Variants in WASF2 observed in about 807,000 individuals in gnomAD.
The protein encoded by WASF2 is WASP family member 2.
A neutral mutation model predicts 45.0 loss-of-function variants in WASF2; 14 were observed. That is an observed-to-expected ratio of 0.31 (90% CI 0.21 to 0.49). WASF2 has a LOEUF of 0.49. WASF2 is among the 20% of genes least tolerant of loss of function. WASF2 has a pLI of 0.99. For synonymous variants in WASF2, 200 were observed against 236.3 expected (o/e 0.85, Z 1.41); for missense variants, 439 against 636.1 (o/e 0.69, Z 3.33).
chr1:27,425,838 CAA>C (rs57916899), intron 2 of WASF2, among the ~76,000 whole-genome samples: 2 of 50,604 alleles, frequency 4.0e-5, no homozygotes. Context: ...GACTCCGTCT[CAA>C]AAAAAAAAAA....
At chr1:27,443,069 T>G (rs1388000151) in intron 1 of WASF2, among the ~76,000 whole-genome samples, 1 of 144,004 alleles carries the variant, frequency 6.9e-6, no homozygotes, top group Non-Finnish European at 1.5e-5. Context: ...GAGGCCGAGA[T>G]GGGGGGATTG....
Position 27,477,327 on chromosome 1 carries a change from G to T in WASF2, c.-44+12659C>A, listed in dbSNP as rs560172951. Among the ~76,000 whole-genome samples the T allele has an allele frequency of 2.9e-4, 44 of 150,396 alleles. No homozygotes were observed. In the South Asian group the frequency reaches 8.9e-3, roughly 30 times the overall value. ...GGCTGATGCTGGCAGATCACGTGAG[G>T]CCAGGAGTCCAACACCAGCCTGGCC... On this transcript the variant is annotated intron_variant, in intron 1 of 8. Coordinates refer to ENST00000618852, the MANE Select transcript of WASF2 (RefSeq NM_006990.5).
At position 27,410,786 on chromosome 1, in the gene WASF2, T is replaced by C. The variant is rs2016751422; in HGVS notation, c.825-580A>G. 6.6e-6 allele frequency among the ~76,000 whole-genome samples: 1 copy of C among 152,168 alleles called. No individual in the cohort carries two copies. Among genetic ancestry groups the C allele is most frequent in the Non-Finnish European group, 1.5e-5 (1 of 68,022 alleles). On this transcript the variant is annotated intron_variant, in intron 7 of 8. Coordinates refer to ENST00000618852, the MANE Select transcript of WASF2 (RefSeq NM_006990.5). This position sits in a 1 kb window ranked among gnomAD's most constrained non-coding sequence, Gnocchi z 4.2. The stretch of plus-strand genomic sequence containing the variant: ...TCTTCAGTGCTCATGTGGGGAAATC[T>C]TGAGAGAGAATGAATCTCAATCCGA...
At chr1:27,475,872 C>T (rs1238354214) in intron 1 of WASF2, among the ~76,000 whole-genome samples, 1 of 152,180 alleles carries the variant, frequency 6.6e-6, no homozygotes, top group Non-Finnish European at 1.5e-5. Flanking sequence ...AAGTGATCTG[C>T]CTACGTTAGC....
rs547442066 is a variant in WASF2, at chr1:27,406,384, C to A, written c.*1805G>T. 18 of 153,206 alleles carry A rather than the reference C, an allele frequency of 1.2e-4. No homozygotes were observed. The highest frequency in any genetic ancestry group is 4.3e-4 in the African/African-American group (18 of 41,568). The allele number at this position is 153,206 out of a possible 1,614,324, so 9.5% of individuals were successfully genotyped here. A position where few individuals can be genotyped will look rare whatever the true frequency, so the allele number is the denominator to read the frequency against. ...TCCCCTACAGGCTCAGTCCCCACACCCTGAGTTCCAGGAAAGAAGGCAGAG... is the reference window on the plus strand; with the variant it reads ...TCCCCTACAGGCTCAGTCCCCACACACTGAGTTCCAGGAAAGAAGGCAGAG... On this transcript the variant is annotated 3_prime_UTR_variant, in exon 9 of 9. Transcript: ENST00000618852.
At chr1:27,435,760 A>G (rs1571136157) in intron 1 of WASF2, among the ~76,000 whole-genome samples, 1 of 152,232 alleles carries the variant, frequency 6.6e-6, no homozygotes. Context: ...TGTTATTACC[A>G]GAAGACAGAT....
chr1:27,443,001 A>G (rs2017259791), intron 1 of WASF2, among the ~76,000 whole-genome samples: 1 of 150,412 alleles, frequency 6.6e-6, no homozygotes, highest in South Asian at 2.1e-4. Context: ...AAAAAAAAAA[A>G]AAAAAAAAAA....
intron 1 of WASF2, among the ~76,000 whole-genome samples, chr1:27,432,227 T>C (rs904908939): frequency 6.6e-6 from 1 of 152,188 alleles, no homozygotes; most frequent in South Asian, 2.1e-4. Context: ...ATCGGCTTTA[T>C]GGAGTCGACA....
chr1:27,473,485 A>G (rs1248684693), intron 1 of WASF2, among the ~76,000 whole-genome samples: 1 of 151,876 alleles, frequency 6.6e-6, no homozygotes, highest in African/African-American at 2.4e-5. Context: ...GAAAGAAAAA[A>G]AAAGTTACAT....
In WASF2 at chr1:27,472,259, A is replaced by C. The variant is rs2148138355; in HGVS notation, c.-44+17727T>G. Among the ~76,000 whole-genome samples, 3 of 149,882 alleles carry C rather than the reference A, an allele frequency of 2.0e-5. No homozygotes were observed. In the Admixed American group the frequency reaches 2.0e-4, roughly 10 times the overall value. On this transcript the variant is annotated intron_variant, in intron 1 of 8. Coordinates refer to ENST00000618852, the MANE Select transcript of WASF2 (RefSeq NM_006990.5). ...AGAATTGCTTCAGCCCAGGAGACTG[A>C]TGTGGTGGTAAGCTGAGACCACGCC...
intron 1 of WASF2, among the ~76,000 whole-genome samples, chr1:27,471,293 C>T (rs915792521): frequency 7.0e-6 from 1 of 142,514 alleles, no homozygotes; most frequent in Admixed American, 7.2e-5. Flanking sequence ...TGCAGTGAGC[C>T]GAGATCCCGC....
At chr1:27,424,940 G>A (rs2016957474) in intron 2 of WASF2, among the ~76,000 whole-genome samples, 1 of 152,204 alleles carries the variant, frequency 6.6e-6, no homozygotes, top group Admixed American at 6.5e-5. Flanking sequence ...GGGCCTTGAA[G>A]GATCAGCTAC....
chr1:27,443,234 G>A (rs2017265977), intron 1 of WASF2, among the ~76,000 whole-genome samples: 1 of 150,608 alleles, frequency 6.6e-6, no homozygotes, highest in African/African-American at 2.4e-5. Context: ...TACCTGGGAG[G>A]CTGAGGTGAA....
rs1326296039 is a variant in WASF2 at position 27,410,745 on chromosome 1, G to T, written c.825-539C>A. Reference sequence around the variant, plus strand: ...GCTGACCACACCTGAGTGGGATATAGATTTAGGTGAATGCATCTTCAGTGC... The same window carrying T: ...GCTGACCACACCTGAGTGGGATATATATTTAGGTGAATGCATCTTCAGTGC... On this transcript the variant is annotated intron_variant, in intron 7 of 8. Transcript: ENST00000618852. The surrounding 1 kb of genome is among the most constrained non-coding windows in gnomAD (Gnocchi z 4.2). Among the ~76,000 whole-genome samples the T allele has an allele frequency of 1.3e-5, 2 of 152,264 alleles. No homozygotes were observed. The highest frequency in any genetic ancestry group is 6.5e-5 in the Admixed American group (1 of 15,292).
chr1:27,456,316 TAA>T (rs61319408), intron 1 of WASF2, among the ~76,000 whole-genome samples: 25,105 of 95,216 alleles, frequency 0.26, 3,137 homozygotes, highest in African/African-American at 0.47. Context: ...AGCGAGACTC[TAA>T]AAAAAAAAAA....
chr1:27,441,294 A>G (rs1050149130), intron 1 of WASF2, among the ~76,000 whole-genome samples: 1 of 150,538 alleles, frequency 6.6e-6, no homozygotes, highest in African/African-American at 2.5e-5. Flanking sequence ...GGAAGTTGAC[A>G]CCAGCCTGGG....
chr1:27,486,016 G>A (rs2017918969), intron 1 of WASF2, among the ~76,000 whole-genome samples: 1 of 151,958 alleles, frequency 6.6e-6, no homozygotes, highest in Admixed American at 6.6e-5. Context: ...GGCCTATCAC[G>A]TAAGTTTTAC....
chr1:27,481,412 C>T (rs1458822828), intron 1 of WASF2, among the ~76,000 whole-genome samples: 1 of 149,228 alleles, frequency 6.7e-6, no homozygotes, highest in African/African-American at 2.5e-5. Context: ...AAATAAGAAA[C>T]TTGGGGCCAG....
chr1:27,459,515 T>C (rs982363380), intron 1 of WASF2: 11 of 152,112 alleles, frequency 7.2e-5, no homozygotes, highest in African/African-American at 2.7e-4. Flanking sequence ...ATTCACTGAA[T>C]TTAAAGAAAA....
Sources: gnomAD v4.1 joint callset for allele counts (sites outside exome capture counted in the v4.1 genomes callset) on GRCh38, gnomAD v4.1.1 for gene constraint, Gnocchi (gnomAD v3.1) non-coding constraint, MANE v1.5 for transcripts, NCBI Gene and HGNC (gene_info 2026-07-23, HGNC 2026-07-21) for gene names.